The following LRP1B variants were observed in gnomAD, a reference collection of about 807,000 sequenced individuals.
LRP1B encodes the protein LDL receptor related protein 1B.
A neutral mutation model predicts 556.6 loss-of-function variants in LRP1B; 217 were observed. The ratio of observed to expected loss-of-function variants is 0.39; its 90% CI spans 0.35 to 0.44. LRP1B has a LOEUF of 0.44. Ranked by LOEUF, LRP1B falls within the 20% of genes least tolerant of loss-of-function variation. LRP1B has a pLI of 1.00. For synonymous variants in LRP1B, 2,047 were observed against 1,865.8 expected, an observed-to-expected ratio of 1.10 and a Z score of -2.50; for missense variants, 5,053 against 5,620.8, an observed-to-expected ratio of 0.90 and a Z score of 3.23.
intron 63 of LRP1B, among the ~76,000 whole-genome samples, chr2:140,445,583 T>A (rs966268599): frequency 4.7e-5 from 7 of 148,726 alleles, no homozygotes; most frequent in African/African-American, 1.5e-4. Flanking sequence ...AACAAATGAC[T>A]CCCAAGTGAT....
At chr2:142,111,835 A>G (rs2104990167) in intron 1 of LRP1B, among the ~76,000 whole-genome samples, 1 of 152,234 alleles carries the variant, frequency 6.6e-6, no homozygotes, top group East Asian at 1.9e-4. Context: ...CCTTTAATTG[A>G]GTGCAAAAAA....
intron 7 of LRP1B, among the ~76,000 whole-genome samples, chr2:141,144,858 A>T (rs1250130982): frequency 6.6e-6 from 1 of 152,186 alleles, no homozygotes; most frequent in Non-Finnish European, 1.5e-5. Context: ...TCATTGTAGG[A>T]TTTTATAGCT....
intron 1 of LRP1B, among the ~76,000 whole-genome samples, chr2:142,112,108 C>T (rs895386812): frequency 6.6e-6 from 1 of 152,008 alleles, no homozygotes; most frequent in African/African-American, 2.4e-5. Flanking sequence ...TAACTTACAT[C>T]ACAGTTATTA....
chr2:142,110,329 T>G (rs1706927842), intron 1 of LRP1B, among the ~76,000 whole-genome samples: 1 of 152,110 alleles, frequency 6.6e-6, no homozygotes, highest in Non-Finnish European at 1.5e-5. Context: ...TCTTTATTTT[T>G]AACTGATAAA....
rs554896903 is a variant in LRP1B at position 142,107,025 on chromosome 2, GT to G, written c.82+23622del. ...AAAAATGTATATATAAAATTCATAT[GT>G]TTTTTGCCTTAATTATAAGTGCATT... is the stretch of plus-strand genomic sequence containing the variant. On this transcript the variant is annotated intron_variant, in intron 1 of 90. Transcript: ENST00000389484. Among the ~76,000 whole-genome samples, 7 of 152,094 alleles carry G rather than the reference GT, an allele frequency of 4.6e-5. No homozygotes were observed. The South Asian group carries it at 6.2e-4, about 14-fold the overall frequency.
At chr2:142,060,232 G>C (rs1168182720) in intron 1 of LRP1B, among the ~76,000 whole-genome samples, 1 of 152,148 alleles carries the variant, frequency 6.6e-6, no homozygotes, top group East Asian at 1.9e-4. Context: ...CTTTGTGATA[G>C]GAGATTCCAT....
chr2:142,111,350 C>G (rs981782361), intron 1 of LRP1B, among the ~76,000 whole-genome samples: 1 of 152,020 alleles, frequency 6.6e-6, no homozygotes, highest in Non-Finnish European at 1.5e-5. Flanking sequence ...GACAAGCAGA[C>G]TGACTTTAAA....
intron 33 of LRP1B, among the ~76,000 whole-genome samples, chr2:140,773,130 A>G (rs1384984092): frequency 6.6e-6 from 1 of 151,964 alleles, no homozygotes; most frequent in African/African-American, 2.4e-5. Context: ...AACAAGAAGT[A>G]AAGAGAAATA....
chr2:141,999,736 C>A (rs1702600956), intron 1 of LRP1B, among the ~76,000 whole-genome samples: 1 of 151,738 alleles, frequency 6.6e-6, no homozygotes, highest in Non-Finnish European at 1.5e-5. Flanking sequence ...ATGTAGAATT[C>A]TTAGTTGATT....
intron 2 of LRP1B, among the ~76,000 whole-genome samples, chr2:141,782,650 G>A (rs1280000092): frequency 6.6e-6 from 1 of 150,594 alleles, no homozygotes; most frequent in East Asian, 2.0e-4. Context: ...TAGGGTTTGT[G>A]TGAAACTCAC....
At chr2:142,008,167 T>C (rs995527265) in intron 1 of LRP1B, among the ~76,000 whole-genome samples, 1 of 152,202 alleles carries the variant, frequency 6.6e-6, no homozygotes, top group Admixed American at 6.5e-5. Context: ...AGTGGGCACA[T>C]AGATTTAACC....
intron 59 of LRP1B, among the ~76,000 whole-genome samples, chr2:140,483,635 TATA>T (rs1261605916): frequency 0.14 from 8,223 of 59,900 alleles, 343 homozygotes; most frequent in Middle Eastern, 0.18. Context: ...TATATATATA[TATA>T]TATTTTTTTT....
chr2:141,992,186 G>A (rs944084748), intron 1 of LRP1B, among the ~76,000 whole-genome samples: 1 of 152,002 alleles, frequency 6.6e-6, no homozygotes, highest in African/African-American at 2.4e-5. Flanking sequence ...TTTAATCACA[G>A]TTGGTTGATT....
chr2:141,788,792 G>GT (rs1254443671), intron 2 of LRP1B, among the ~76,000 whole-genome samples: 2 of 149,090 alleles, frequency 1.3e-5, no homozygotes, highest in African/African-American at 4.9e-5. Context: ...TGCGGTGTTT[G>GT]TTTTTTTGCC....
chr2:141,751,534 T>A (rs900396830), intron 2 of LRP1B, among the ~76,000 whole-genome samples: 3 of 152,046 alleles, frequency 2.0e-5, no homozygotes, highest in Non-Finnish European at 4.4e-5. Flanking sequence ...ACTGTGCTGA[T>A]TGGAAGTCTG....
intron 3 of LRP1B, among the ~76,000 whole-genome samples, chr2:141,367,719 T>A (rs1391596515): frequency 6.6e-6 from 1 of 151,922 alleles, no homozygotes. Context: ...CCTGTCCTCA[T>A]GATCCACCCG....
chr2:140,806,688 A>T (rs1690728021), intron 32 of LRP1B, among the ~76,000 whole-genome samples: 1 of 152,234 alleles, frequency 6.6e-6, no homozygotes, highest in Non-Finnish European at 1.5e-5. Flanking sequence ...CTATTTAGAC[A>T]TACTGACTTC....
intron 21 of LRP1B, among the ~76,000 whole-genome samples, chr2:140,911,487 G>A (rs1396926031): frequency 6.6e-6 from 1 of 151,742 alleles, no homozygotes; most frequent in African/African-American, 2.4e-5. Flanking sequence ...CATATGCAGT[G>A]AAGCCTAACA....
intron 2 of LRP1B, among the ~76,000 whole-genome samples, chr2:141,776,977 T>C (rs963512052): frequency 6.6e-6 from 1 of 152,206 alleles, no homozygotes; most frequent in Non-Finnish European, 1.5e-5. Flanking sequence ...GCATGGGTTA[T>C]TGAACACAAT....
Sources: gnomAD v4.1 joint callset for allele counts (sites outside exome capture counted in the v4.1 genomes callset) on GRCh38, gnomAD v4.1.1 for gene constraint, MANE v1.5 for transcripts, NCBI Gene and HGNC (gene_info 2026-07-23, HGNC 2026-07-21) for gene names.